The following CNTLN variants were observed in gnomAD, a reference collection of about 807,000 sequenced individuals.
CNTLN encodes the protein centlein, also known as centlein, centrosomal protein.
A neutral mutation model predicts 180.0 loss-of-function variants in CNTLN; 212 were observed. That is an observed-to-expected ratio of 1.18 (90% CI 1.05 to 1.32). CNTLN has a LOEUF of 1.32. CNTLN is among the 40% of genes most tolerant of loss of function. The pLI is 0.00. For synonymous variants in CNTLN, 722 were observed against 563.1 expected, an observed-to-expected ratio of 1.28 and a Z score of -3.99; for missense variants, 2,095 against 1,610.9, an observed-to-expected ratio of 1.30 and a Z score of -5.14.
intron 18 of CNTLN, among the ~76,000 whole-genome samples, chr9:17,436,416 T>A (rs1829781175): frequency 6.6e-6 from 1 of 152,210 alleles, no homozygotes; most frequent in South Asian, 2.1e-4. Context: ...AACCAAATAA[T>A]CTTAAATTAG....
chr9:17,241,353 G>A (rs1825481845), intron 5 of CNTLN, among the ~76,000 whole-genome samples: 1 of 152,288 alleles, frequency 6.6e-6, no homozygotes, highest in African/African-American at 2.4e-5. Flanking sequence ...TTTGTTAACA[G>A]TGAGTTCACT....
intron 7 of CNTLN, chr9:17,302,006 A>G (rs1483835223): frequency 1.2e-5 from 12 of 982,904 alleles, no homozygotes; most frequent in South Asian, 4.7e-5. Context: ...TTGTTTTACT[A>G]TTGTAAATAA....
intron 5 of CNTLN, among the ~76,000 whole-genome samples, chr9:17,263,484 A>C (rs1184580017): frequency 6.6e-6 from 1 of 151,264 alleles, no homozygotes; most frequent in African/African-American, 2.5e-5. Flanking sequence ...GCTATTGTGA[A>C]TAGTACCACA....
chr9:17,158,145 A>G (rs562826840), intron 2 of CNTLN, among the ~76,000 whole-genome samples: 32 of 152,284 alleles, frequency 2.1e-4, no homozygotes, highest in African/African-American at 7.5e-4. Flanking sequence ...TTTTCTGTCT[A>G]TTGAGATGAT....
chr9:17,376,925 T>A (rs924835087), intron 13 of CNTLN, among the ~76,000 whole-genome samples: 1 of 152,182 alleles, frequency 6.6e-6, no homozygotes, highest in Admixed American at 6.5e-5. Flanking sequence ...AATAAATGTT[T>A]GCTTCAAAAG....
At chr9:17,290,313 G>T (rs1829288058) in intron 6 of CNTLN, among the ~76,000 whole-genome samples, 1 of 151,598 alleles carries the variant, frequency 6.6e-6, no homozygotes, top group Admixed American at 6.6e-5. Context: ...CTCCCAGTTA[G>T]GCTGCTCGGG....
intron 15 of CNTLN, among the ~76,000 whole-genome samples, chr9:17,405,612 C>T (rs1181827158): frequency 6.6e-6 from 1 of 151,562 alleles, no homozygotes; most frequent in African/African-American, 2.4e-5. Context: ...CCTCCCAACA[C>T]TGTTGCACTG....
rs1297365019 is a variant in CNTLN at position 17,135,345 on chromosome 9, G to A, written c.280G>A (p.Val94Ile). The change falls in exon 1 of 26, where the codon GTA becomes ATA. Residue 94 changes from valine (V) to isoleucine (I), a missense_variant. Transcript: ENST00000380647. The stretch of plus-strand genomic sequence containing the variant: ...GTCCAGACGGCTAGAGGGCATCTCG[G>A]TAGAGGAGGCGATGGTGACCCGGAC... ...MGSRRLEGISVEEAMVTRTQL... is the reference protein window; with the variant it reads ...MGSRRLEGISIEEAMVTRTQL... 4 of 1,601,684 alleles carry A rather than the reference G, an allele frequency of 2.5e-6. No homozygotes were observed. The highest frequency in any genetic ancestry group is 2.7e-5 in the African/African-American group (2 of 75,002).
intron 2 of CNTLN, among the ~76,000 whole-genome samples, chr9:17,149,360 AT>A (rs527612853): frequency 6.3e-4 from 96 of 152,100 alleles, no homozygotes; most frequent in Non-Finnish European, 1.2e-3. Context: ...GCCAAATGGT[AT>A]TTCTAGTTCT....
At chr9:17,519,263 CA>C in the CNTLN span, among the ~76,000 whole-genome samples, 1 of 141,682 alleles carries the variant, frequency 7.1e-6, no homozygotes, top group Non-Finnish European at 1.5e-5. Context: ...TTTTTTTAAT[CA>C]AAGAAAAACG....
At chr9:17,152,357 G>A (rs1279103317) in intron 2 of CNTLN, among the ~76,000 whole-genome samples, 2 of 152,094 alleles carry the variant, frequency 1.3e-5, no homozygotes, top group Non-Finnish European at 2.9e-5. Flanking sequence ...CGGGTATGTT[G>A]TCTCTTTGTT....
chr9:17,321,011 A>T (rs796987558), intron 8 of CNTLN, among the ~76,000 whole-genome samples: 4 of 152,360 alleles, frequency 2.6e-5, no homozygotes, highest in African/African-American at 9.6e-5. Flanking sequence ...ATTATAATTT[A>T]AAAACAGCCT....
In CNTLN at chr9:17,397,453, A is replaced by G. The variant is rs560809110; in HGVS notation, c.2615+2384A>G. ...TATAGGGTAACTTCCTGACGTTGCC[A>G]TGGCATTGGTAAACTGTCATGGCAC... On this transcript the variant is annotated intron_variant, in intron 15 of 25. Transcript: ENST00000380647. 8.5e-4 allele frequency among the ~76,000 whole-genome samples: 130 copies of G among 152,316 alleles called. 1 individual carries two copies. The highest frequency in any genetic ancestry group is 2.2e-3 in the Admixed American group (33 of 15,304).
intron 18 of CNTLN, among the ~76,000 whole-genome samples, chr9:17,437,339 T>G (rs1829838278): frequency 6.6e-6 from 1 of 152,212 alleles, no homozygotes; most frequent in South Asian, 2.1e-4. Flanking sequence ...GTTTTCAGAT[T>G]CATTTCTTAT....
intron 13 of CNTLN, among the ~76,000 whole-genome samples, chr9:17,377,912 T>C (rs945594531): frequency 1.3e-5 from 2 of 152,236 alleles, no homozygotes; most frequent in African/African-American, 2.4e-5. Context: ...TAATTTGTTC[T>C]AGATCACATA....
At chr9:17,211,046 G>A (rs1201965985) in intron 2 of CNTLN, among the ~76,000 whole-genome samples, 1 of 152,294 alleles carries the variant, frequency 6.6e-6, no homozygotes, top group East Asian at 1.9e-4. Context: ...CTGTGCAGAA[G>A]CTCTTTAGTC....
chr9:17,445,617 A>G (rs1246992741), intron 18 of CNTLN, among the ~76,000 whole-genome samples: 1 of 151,926 alleles, frequency 6.6e-6, no homozygotes, highest in African/African-American at 2.4e-5. Context: ...AGTCATCACC[A>G]CTCCCTAATC....
At chr9:17,390,739 T>C (rs1312432402) in intron 14 of CNTLN, among the ~76,000 whole-genome samples, 1 of 152,206 alleles carries the variant, frequency 6.6e-6, no homozygotes, top group East Asian at 1.9e-4. Flanking sequence ...AGAGTATACC[T>C]TGAATAACAC....
At chr9:17,316,613 C>G (rs1288171676) in intron 8 of CNTLN, among the ~76,000 whole-genome samples, 1 of 152,014 alleles carries the variant, frequency 6.6e-6, no homozygotes, top group East Asian at 1.9e-4. Flanking sequence ...GTTGAAAAAT[C>G]ATAAGGTAAA....
Sources: gnomAD v4.1 joint callset for allele counts (sites outside exome capture counted in the v4.1 genomes callset) on GRCh38, gnomAD v4.1.1 for gene constraint, MANE v1.5 for transcripts, NCBI Gene and HGNC (gene_info 2026-07-23, HGNC 2026-07-21) for gene names.